Variants in LRBA observed in about 807,000 individuals in gnomAD.
LRBA encodes LPS responsive beige-like anchor protein.
A neutral mutation model predicts 330.0 loss-of-function variants in LRBA; 176 were observed. That is an observed-to-expected ratio of 0.53 (90% CI 0.47 to 0.60). LRBA has a LOEUF of 0.60. LRBA is among the 20% of genes least tolerant of loss of function. The pLI is 0.00. For missense variants in LRBA, 3,259 were observed against 3,444.8 expected (o/e 0.95, Z 1.35); for synonymous variants, 1,230 against 1,193.0 (o/e 1.03, Z -0.64).
chr4:150,641,886 T>C (rs1479547503), intron 37 of LRBA, among the ~76,000 whole-genome samples: 2 of 152,072 alleles, frequency 1.3e-5, no homozygotes, highest in African/African-American at 4.8e-5. Context: ...AGCATGAGGC[T>C]ATTACTGCCT....
At chr4:150,391,488 T>C (rs1434034890) in intron 47 of LRBA, among the ~76,000 whole-genome samples, 2 of 152,154 alleles carry the variant, frequency 1.3e-5, no homozygotes, top group African/African-American at 4.8e-5. Context: ...AAAAGATCAA[T>C]TACACTCAAA....
At chr4:150,954,138 C>T (rs936344851) in intron 2 of LRBA, among the ~76,000 whole-genome samples, 2 of 146,962 alleles carry the variant, frequency 1.4e-5, no homozygotes, top group Non-Finnish European at 3.0e-5. Context: ...GCCGCCCCGT[C>T]GGGGAGGTGG....
intron 37 of LRBA, among the ~76,000 whole-genome samples, chr4:150,671,041 TGAGAGAGA>T (rs369417809): frequency 8.4e-5 from 12 of 142,744 alleles, no homozygotes; most frequent in Non-Finnish European, 1.4e-4. Flanking sequence ...TGTGTGTGTG[TGAGAGAGA>T]GAGAGAGAGA....
At chr4:150,907,948 G>C (rs1196031865) in intron 11 of LRBA, among the ~76,000 whole-genome samples, 1 of 151,762 alleles carries the variant, frequency 6.6e-6, no homozygotes, top group Non-Finnish European at 1.5e-5. Flanking sequence ...AATATGAAAA[G>C]TTAAGTTCCA....
At chr4:150,586,558 A>G (rs1274369962) in intron 40 of LRBA, among the ~76,000 whole-genome samples, 1 of 152,138 alleles carries the variant, frequency 6.6e-6, no homozygotes, top group Non-Finnish European at 1.5e-5. Context: ...TCTGGAATAT[A>G]AGGAAGGTTG....
At position 150,929,188 on chromosome 4, in the gene LRBA, TA is replaced by T. The variant is rs1734201142; in HGVS notation, c.217-124del. The T allele has an allele frequency of 1.7e-5, 10 of 605,486 alleles. No individual in the cohort carries two copies. The South Asian group carries it at 2.7e-4, about 16-fold the overall frequency. The allele number at this position is 605,486 out of a possible 1,614,324, so 37.5% of individuals were successfully genotyped here. A position where few individuals can be genotyped will look rare whatever the true frequency, so the allele number is the denominator to read the frequency against. On this transcript the variant is annotated intron_variant, in intron 2 of 56. Transcript: ENST00000651943. ...TCTTCCTCCACATCAAAAGGTTCAT[TA>T]AAAAACATGCAGCTCAAAAAACTGA...
chr4:150,336,267 A>C (rs1734718705), intron 48 of LRBA, among the ~76,000 whole-genome samples: 1 of 152,228 alleles, frequency 6.6e-6, no homozygotes, highest in Non-Finnish European at 1.5e-5. Context: ...TCAAAAACTT[A>C]AATCTATAGA....
At chr4:150,725,428 A>C (rs1408366827) in intron 36 of LRBA, among the ~76,000 whole-genome samples, 1 of 152,220 alleles carries the variant, frequency 6.6e-6, no homozygotes, top group Non-Finnish European at 1.5e-5. Context: ...AAGAGTGGCA[A>C]GACATATTTA....
At chr4:150,456,825 T>C (rs1488067303) in intron 44 of LRBA, among the ~76,000 whole-genome samples, 1 of 152,082 alleles carries the variant, frequency 6.6e-6, no homozygotes, top group Non-Finnish European at 1.5e-5. Flanking sequence ...AGTCTTTAAT[T>C]CATTTTGATT....
intron 37 of LRBA, among the ~76,000 whole-genome samples, chr4:150,655,038 T>A (rs1780054246): frequency 6.6e-6 from 1 of 152,192 alleles, no homozygotes; most frequent in South Asian, 2.1e-4. Flanking sequence ...GCATGATTTA[T>A]AATCCTTTGG....
chr4:150,565,806 T>G (rs1769049876), intron 40 of LRBA, among the ~76,000 whole-genome samples: 1 of 152,152 alleles, frequency 6.6e-6, no homozygotes, highest in Non-Finnish European at 1.5e-5. Context: ...ATGTTTAAAT[T>G]TACTGAATAA....
At chr4:150,683,792 C>A (rs1156440176) in intron 36 of LRBA, 75 bp from the exon 37 acceptor site, 2 of 1,196,418 alleles carry the variant, frequency 1.7e-6, no homozygotes, top group East Asian at 2.6e-5. Flanking sequence ...ATAATCTTTA[C>A]CCTAAATCAA....
chr4:150,375,800 C>T (rs1193666006), intron 47 of LRBA, among the ~76,000 whole-genome samples: 1 of 152,066 alleles, frequency 6.6e-6, no homozygotes, highest in African/African-American at 2.4e-5. Flanking sequence ...CTCCTGATAC[C>T]ATTTTATAGG....
intron 37 of LRBA, among the ~76,000 whole-genome samples, chr4:150,635,881 AG>A (rs748015710): frequency 9.9e-5 from 15 of 152,222 alleles, no homozygotes; most frequent in Non-Finnish European, 2.1e-4. Flanking sequence ...ACAATCTGGC[AG>A]AATAGTTCTA....
chr4:150,478,384 C>T (rs534934723), intron 42 of LRBA, among the ~76,000 whole-genome samples: 89 of 152,246 alleles, frequency 5.8e-4, no homozygotes, highest in Non-Finnish European at 2.9e-4. Context: ...AAATACTGTT[C>T]GTCCATTATT....
intron 33 of LRBA, among the ~76,000 whole-genome samples, chr4:150,805,531 AAAGG>A (rs1210342273): frequency 1.5e-5 from 2 of 133,078 alleles, no homozygotes; most frequent in African/African-American, 2.9e-5. Flanking sequence ...AAAGGAAAGG[AAAGG>A]AAGGGAGAAG....
rs763242546 is a variant in LRBA, at chr4:150,906,342, C to G, written c.1557G>C (p.Met519Ile). 10 of 1,612,424 alleles carry G rather than the reference C, an allele frequency of 6.2e-6. No homozygotes were observed. The highest frequency in any genetic ancestry group is 8.5e-6 in the Non-Finnish European group (10 of 1,178,706). Residue 519 changes from methionine (M) to isoleucine (I), a missense_variant, in exon 12 of 57, where the codon ATG becomes ATC. By Grantham distance (10) the Met-to-Ile change is conservative (BLOSUM62 1). Coordinates refer to ENST00000651943, the MANE Select transcript of LRBA (RefSeq NM_001364905.1). ...LKNSIAMQEQ[M>I]LACKGFLVIG... is the part of the protein sequence containing the mutation. Reference sequence around the variant, plus strand: ...TTACCAAGAAGCCCTTACAGGCAAGCATCTGTTCCTGCATAGCAATTGAGT... The same window carrying G: ...TTACCAAGAAGCCCTTACAGGCAAGGATCTGTTCCTGCATAGCAATTGAGT...
intron 28 of LRBA, among the ~76,000 whole-genome samples, chr4:150,832,643 A>G (rs1747374183): frequency 1.3e-5 from 2 of 152,192 alleles, no homozygotes; most frequent in Admixed American, 6.5e-5. Context: ...TGATATGAGG[A>G]TAACTGGTTA....
At chr4:150,401,799 C>T (rs1208049661) in intron 47 of LRBA, among the ~76,000 whole-genome samples, 1 of 151,640 alleles carries the variant, frequency 6.6e-6, no homozygotes. Flanking sequence ...AGGTAAAAGA[C>T]CATGAAGTAT....
Sources: gnomAD v4.1 joint callset for allele counts (sites outside exome capture counted in the v4.1 genomes callset) on GRCh38, gnomAD v4.1.1 for gene constraint, MANE v1.5 for transcripts, NCBI Gene and HGNC (gene_info 2026-07-23, HGNC 2026-07-21) for gene names.